The following RTN1 variants were observed in gnomAD, a reference collection of about 807,000 sequenced individuals.
The protein encoded by RTN1 is reticulon 1.
In RTN1, 25 loss-of-function variants were observed where a neutral mutation model predicts 65.5. The ratio of observed to expected loss-of-function variants is 0.38; its 90% CI spans 0.28 to 0.53. The LOEUF (loss-of-function observed/expected upper bound fraction) is 0.53. Among genes scored for constraint, RTN1 ranks in the 20% least tolerant of loss-of-function variants. The probability of loss-of-function intolerance (pLI) is 0.79; values close to 1 mark genes in which losing one functional copy is unlikely to be tolerated. For missense variants in RTN1, 983 were observed against 1,025.4 expected, an observed-to-expected ratio of 0.96 and a Z score of 0.57; for synonymous variants, 471 against 447.6, an observed-to-expected ratio of 1.05 and a Z score of -0.66.
intron 1 of RTN1, among the ~76,000 whole-genome samples, chr14:59,753,510 T>G (rs893946401): frequency 6.6e-6 from 1 of 152,190 alleles, no homozygotes; most frequent in African/African-American, 2.4e-5. Flanking sequence ...TTTAAAAAAT[T>G]GAGCTAAATA....
intron 1 of RTN1, among the ~76,000 whole-genome samples, chr14:59,767,169 TG>T (rs1011897866): frequency 4.6e-5 from 7 of 152,358 alleles, no homozygotes; most frequent in African/African-American, 1.7e-4. Context: ...TTTTAGCATA[TG>T]GTCACCCAGC....
In RTN1 at chr14:59,726,981, T is replaced by C. The variant is rs200090543; in HGVS notation, c.1703A>G (p.Lys568Arg). 66 of 1,613,266 alleles carry C rather than the reference T, an allele frequency of 4.1e-5. No homozygotes were observed. The African/African-American group carries it at 7.2e-4, about 18-fold the overall frequency. ...SSSNQSPAAT[K>R]GPGPLGPGAP... The stretch of plus-strand genomic sequence containing the variant: ...GCCAGGACCTAGAGGCCCAGGGCCC[T>C]TTGTGGCCGCAGGACTTTGGTTGGA... Residue 568 changes from lysine to arginine, a missense_variant, in exon 3 of 9, where the codon AAG becomes AGG. Lys to Arg is a conservative substitution (Grantham distance 26, BLOSUM62 2). This residue lies in a region of RTN1 where 818 missense variants were observed against 801.8 expected (regional missense o/e 1.02). Transcript: ENST00000267484.
At chr14:59,748,120 A>C (rs1885265989) in intron 1 of RTN1, among the ~76,000 whole-genome samples, 1 of 151,956 alleles carries the variant, frequency 6.6e-6, no homozygotes, top group South Asian at 2.1e-4. Context: ...TACAGGCAGT[A>C]AGTGGTAGAA....
chr14:59,674,642 T>C (rs1883583924), intron 3 of RTN1, among the ~76,000 whole-genome samples: 1 of 152,202 alleles, frequency 6.6e-6, no homozygotes, highest in Non-Finnish European at 1.5e-5. Flanking sequence ...ATAAAGGCTG[T>C]ACGTGTGTGC....
In RTN1 at chr14:59,742,947, ATTCTTCCTGTTAAT is replaced by A. The variant is rs1409751230; in HGVS notation, c.1015+2747_1015+2760del. On this transcript the variant is annotated intron_variant, in intron 2 of 8. Transcript: ENST00000267484. ...GGAGAAAGGCTTCAATGAGAAGCTG[ATTCTTCCTGTTAAT>A]TTCATTCTTATCTGTTGTCATATGA... Among the ~76,000 whole-genome samples the A allele has an allele frequency of 7.2e-5, 11 of 152,332 alleles. No individual in the cohort carries two copies. The East Asian group carries it at 2.1e-3, about 29-fold the overall frequency.
intron 3 of RTN1, among the ~76,000 whole-genome samples, chr14:59,689,379 C>T (rs1883911218): frequency 6.6e-6 from 1 of 152,190 alleles, no homozygotes; most frequent in South Asian, 2.1e-4. Context: ...ATCTAGAAAA[C>T]ATATTTAAGG....
chr14:59,738,204 T>C (rs1471546675), intron 2 of RTN1, among the ~76,000 whole-genome samples: 6 of 152,074 alleles, frequency 3.9e-5, no homozygotes, highest in Non-Finnish European at 7.4e-5. Context: ...AAAGAAACTA[T>C]CATCAGAGTG....
intron 1 of RTN1, among the ~76,000 whole-genome samples, chr14:59,809,323 G>T (rs1886688490): frequency 6.6e-6 from 1 of 151,148 alleles, no homozygotes. Flanking sequence ...CACACTGGTG[G>T]CTTGCCATTC....
At chr14:59,827,071 G>T (rs183902841) in intron 1 of RTN1, among the ~76,000 whole-genome samples, 118 of 150,940 alleles carry the variant, frequency 7.8e-4, no homozygotes, top group Middle Eastern at 3.4e-3. Flanking sequence ...GTGTTTTGTT[G>T]TTGTTGTTGT....
intron 3 of RTN1, among the ~76,000 whole-genome samples, chr14:59,710,352 A>C (rs1395761556): frequency 6.6e-6 from 1 of 152,154 alleles, no homozygotes; most frequent in Non-Finnish European, 1.5e-5. Context: ...TTTGCATGTA[A>C]AGTTTCACTT....
At chr14:59,726,180 C>G (rs1051412747) in intron 3 of RTN1, among the ~76,000 whole-genome samples, 1 of 152,146 alleles carries the variant, frequency 6.6e-6, no homozygotes, top group African/African-American at 2.4e-5. Context: ...CTCTTGTACA[C>G]GTATAATGTC....
chr14:59,644,934 G>A (rs992214811), intron 3 of RTN1, among the ~76,000 whole-genome samples: 1 of 152,132 alleles, frequency 6.6e-6, no homozygotes, highest in Admixed American at 6.5e-5. Flanking sequence ...GTGGTTCCAA[G>A]CCTCCCTGGA....
intron 3 of RTN1, among the ~76,000 whole-genome samples, chr14:59,653,932 T>C (rs1013180931): frequency 6.6e-6 from 1 of 152,114 alleles, no homozygotes; most frequent in Non-Finnish European, 1.5e-5. Flanking sequence ...TGAATCTCGC[T>C]CTGTCACCCA....
chr14:59,639,974 T>C (rs139122307), intron 3 of RTN1, among the ~76,000 whole-genome samples: 18 of 152,348 alleles, frequency 1.2e-4, no homozygotes, highest in African/African-American at 3.6e-4. Flanking sequence ...TGAAGAAATA[T>C]TGTCCTTCAA....
At chr14:59,864,300 A>T (rs1470691173) in intron 1 of RTN1, among the ~76,000 whole-genome samples, 1 of 151,956 alleles carries the variant, frequency 6.6e-6, no homozygotes, top group African/African-American at 2.4e-5. Flanking sequence ...TGCTAGGCAC[A>T]CTCCCACCCA....
At chr14:59,734,838 C>T (rs1884971884) in intron 2 of RTN1, among the ~76,000 whole-genome samples, 1 of 151,954 alleles carries the variant, frequency 6.6e-6, no homozygotes, top group African/African-American at 2.4e-5. Context: ...GGAAAACTTC[C>T]CCAACCTAGT....
At chr14:59,788,126 A>G (rs1886285607) in intron 1 of RTN1, among the ~76,000 whole-genome samples, 1 of 152,210 alleles carries the variant, frequency 6.6e-6, no homozygotes, top group African/African-American at 2.4e-5. Flanking sequence ...GACTGCTGTC[A>G]GTGGAAATTT....
intron 8 of RTN1, among the ~76,000 whole-genome samples, chr14:59,601,795 T>C (rs568868302): frequency 1.3e-5 from 2 of 152,322 alleles, no homozygotes; most frequent in South Asian, 2.1e-4. Context: ...TCTAATTCTA[T>C]AGGTCTGTGT....
intron 3 of RTN1, among the ~76,000 whole-genome samples, chr14:59,615,443 C>T (rs566255253): frequency 1.3e-5 from 2 of 152,106 alleles, no homozygotes; most frequent in African/African-American, 4.8e-5. Context: ...GAGTGAAACT[C>T]CATCTAAAAA....
Sources: gnomAD v4.1 joint callset for allele counts (sites outside exome capture counted in the v4.1 genomes callset) on GRCh38, gnomAD v4.1.1 for gene constraint, gnomAD v4.1.1 regional missense constraint, MANE v1.5 for transcripts, NCBI Gene and HGNC (gene_info 2026-07-23, HGNC 2026-07-21) for gene names.